The following MEMO1 variants were observed in gnomAD, a reference collection of about 807,000 sequenced individuals.
MEMO1 encodes the protein protein MEMO1.
In MEMO1, 6 loss-of-function variants were observed where a neutral mutation model predicts 45.2. The ratio of observed to expected loss-of-function variants is 0.13; its 90% CI spans 0.07 to 0.26. MEMO1 has a LOEUF of 0.26. MEMO1 is among the 10% of genes least tolerant of loss of function. The probability of loss-of-function intolerance (pLI) is 1.00; values close to 1 mark genes in which losing one functional copy is unlikely to be tolerated. For synonymous variants in MEMO1, 78 were observed against 124.3 expected, an observed-to-expected ratio of 0.63 and a Z score of 2.48; for missense variants, 184 against 370.5, an observed-to-expected ratio of 0.50 and a Z score of 4.13.
At chr2:31,953,384 A>AC (rs1293331609) in intron 2 of MEMO1, among the ~76,000 whole-genome samples, 47 of 150,786 alleles carry the variant, frequency 3.1e-4, no homozygotes, top group African/African-American at 9.3e-4. Flanking sequence ...AAAAAAAAAA[A>AC]ACACAATTAT....
At chr2:31,905,507 A>G (rs1272703451) in intron 6 of MEMO1, among the ~76,000 whole-genome samples, 1 of 152,252 alleles carries the variant, frequency 6.6e-6, no homozygotes, top group Non-Finnish European at 1.5e-5. Context: ...CTAGAGAGCC[A>G]TTCTAAACTC....
intron 2 of MEMO1, among the ~76,000 whole-genome samples, chr2:31,973,948 G>A (rs1669705076): frequency 6.6e-6 from 1 of 152,078 alleles, no homozygotes; most frequent in Non-Finnish European, 1.5e-5. Context: ...CATTATAATT[G>A]CTAATTTGTA....
intron 6 of MEMO1, among the ~76,000 whole-genome samples, chr2:31,895,078 G>C (rs1334115220): frequency 1.3e-5 from 2 of 152,166 alleles, no homozygotes; most frequent in Admixed American, 1.3e-4. Context: ...ACACATAGTG[G>C]GAGAGACAGA....
intron 2 of MEMO1, among the ~76,000 whole-genome samples, chr2:31,966,216 A>G (rs910261006): frequency 2.0e-5 from 3 of 152,176 alleles, no homozygotes; most frequent in Non-Finnish European, 4.4e-5. Flanking sequence ...CCATCCCTTC[A>G]TTCCCACATA....
At chr2:31,941,643 A>G (rs920602955) in intron 3 of MEMO1, among the ~76,000 whole-genome samples, 1 of 152,228 alleles carries the variant, frequency 6.6e-6, no homozygotes, top group African/African-American at 2.4e-5. Flanking sequence ...CATTTGCTGT[A>G]AGTTTTATAA....
At chr2:31,919,840 A>G (rs1041995454) in intron 5 of MEMO1, among the ~76,000 whole-genome samples, 3 of 151,722 alleles carry the variant, frequency 2.0e-5, no homozygotes, top group African/African-American at 4.9e-5. Flanking sequence ...AAAAATATAT[A>G]TATGTGTGTG....
chr2:31,877,603 C>G (rs1009120635), intron 8 of MEMO1, among the ~76,000 whole-genome samples: 1 of 152,156 alleles, frequency 6.6e-6, no homozygotes, highest in African/African-American at 2.4e-5. Context: ...GTTTTGTTTA[C>G]AAGTTTACTA....
At chr2:31,956,808 T>C (rs1358929053) in intron 2 of MEMO1, among the ~76,000 whole-genome samples, 2 of 152,192 alleles carry the variant, frequency 1.3e-5, no homozygotes, top group African/African-American at 2.4e-5. Flanking sequence ...TACATGATTA[T>C]GTATTGGTTT....
intron 5 of MEMO1, among the ~76,000 whole-genome samples, chr2:31,919,656 C>T (rs952943220): frequency 1.6e-4 from 24 of 151,168 alleles, no homozygotes; most frequent in Admixed American, 1.5e-3. Flanking sequence ...CTACCTCTAC[C>T]AAAAAAAATA....
intron 7 of MEMO1, among the ~76,000 whole-genome samples, chr2:31,889,616 T>A (rs1291864702): frequency 6.6e-6 from 1 of 152,098 alleles, no homozygotes; most frequent in African/African-American, 2.4e-5. Flanking sequence ...TTAGTCAGCA[T>A]GCAAAAGAGA....
At chr2:31,996,599 A>T (rs1224304215) in intron 2 of MEMO1, among the ~76,000 whole-genome samples, 1 of 152,180 alleles carries the variant, frequency 6.6e-6, no homozygotes, top group Non-Finnish European at 1.5e-5. Context: ...ATAGATGGAA[A>T]TTTCAACACT....
At chr2:31,992,789 TA>T (rs930697344) in intron 2 of MEMO1, among the ~76,000 whole-genome samples, 2 of 147,880 alleles carry the variant, frequency 1.4e-5, no homozygotes. Context: ...GTCTCAAATT[TA>T]AAAAAAAAAT....
chr2:31,988,288 T>TG (rs1671520114), intron 2 of MEMO1, among the ~76,000 whole-genome samples: 1 of 152,208 alleles, frequency 6.6e-6, no homozygotes, highest in Non-Finnish European at 1.5e-5. Flanking sequence ...AGCTCACGCC[T>TG]GTAATCCCAG....
At chr2:31,973,340 G>A (rs967761181) in intron 2 of MEMO1, among the ~76,000 whole-genome samples, 1 of 152,026 alleles carries the variant, frequency 6.6e-6, no homozygotes, top group Admixed American at 6.6e-5. Context: ...TGTAATCCCA[G>A]CTACTTGGGA....
At chr2:31,992,612 C>T (rs958238828) in intron 2 of MEMO1, among the ~76,000 whole-genome samples, 1 of 152,282 alleles carries the variant, frequency 6.6e-6, no homozygotes, top group African/African-American at 2.4e-5. Flanking sequence ...GGCAAAACCC[C>T]ATCTCTACCA....
At chr2:31,950,507 T>C (rs552093034) in intron 2 of MEMO1, among the ~76,000 whole-genome samples, 1 of 151,368 alleles carries the variant, frequency 6.6e-6, no homozygotes, top group East Asian at 1.9e-4. Context: ...TCACTTGAGG[T>C]CAGGAATTTG....
At chr2:31,938,879 C>A (rs1387815351) in intron 3 of MEMO1, among the ~76,000 whole-genome samples, 1 of 150,932 alleles carries the variant, frequency 6.6e-6, no homozygotes. Context: ...CCCAACCTCC[C>A]GGGCTCAAGT....
intron 7 of MEMO1, among the ~76,000 whole-genome samples, chr2:31,884,935 TAAAA>T (rs58729347): frequency 6.7e-6 from 1 of 150,114 alleles, no homozygotes; most frequent in Non-Finnish European, 1.5e-5. Flanking sequence ...GTCTTTGAAC[TAAAA>T]AAAAAATTCT....
intron 6 of MEMO1, among the ~76,000 whole-genome samples, chr2:31,901,825 C>T (rs914005121): frequency 6.6e-6 from 1 of 151,608 alleles, no homozygotes; most frequent in African/African-American, 2.4e-5. Context: ...AGGGGAATTG[C>T]TTGAACCAGG....
Sources: gnomAD v4.1 joint callset for allele counts (sites outside exome capture counted in the v4.1 genomes callset) on GRCh38, gnomAD v4.1.1 for gene constraint, MANE v1.5 for transcripts, NCBI Gene and HGNC (gene_info 2026-07-23, HGNC 2026-07-21) for gene names.